ZFHX3: variants seen among roughly 807,000 people sequenced by gnomAD.
ZFHX3 encodes the protein zinc finger homeobox 3.
Under a neutral mutation model 279.1 loss-of-function variants are expected in ZFHX3, and 42 were observed. That is an observed-to-expected ratio of 0.15 (90% confidence interval 0.12 to 0.19). The LOEUF is 0.19. Among genes scored for constraint, ZFHX3 ranks in the 10% least tolerant of loss-of-function variants. The pLI is 1.00. For missense variants in ZFHX3, 4,981 were observed against 4,754.0 expected (o/e 1.05, Z -1.40); for synonymous variants, 2,293 against 1,957.8 (o/e 1.17, Z -4.52).
intron 1 of ZFHX3, among the ~76,000 whole-genome samples, chr16:72,992,810 G>A (rs1454338214): frequency 6.6e-6 from 1 of 152,244 alleles, no homozygotes; most frequent in African/African-American, 2.4e-5. Context: ...AGCCGCGGAA[G>A]GAAGGCACCA....
intron 2 of ZFHX3, among the ~76,000 whole-genome samples, chr16:73,659,260 T>C (rs1175805413): frequency 6.6e-6 from 1 of 152,192 alleles, no homozygotes; most frequent in Non-Finnish European, 1.5e-5. Context: ...ACAACATCTC[T>C]GCAGCCAAAA....
chr16:73,593,512 T>G (rs191978479), intron 2 of ZFHX3, among the ~76,000 whole-genome samples: 28 of 151,446 alleles, frequency 1.8e-4, no homozygotes, highest in African/African-American at 6.3e-4. Flanking sequence ...AGGTTCTATA[T>G]TTGTGGATTC....
chr16:73,593,530 C>T (rs2052019870), intron 2 of ZFHX3, among the ~76,000 whole-genome samples: 1 of 121,332 alleles, frequency 8.2e-6, no homozygotes, highest in South Asian at 2.8e-4. Context: ...TTCAACCAAG[C>T]ATGAATTGAA....
At chr16:72,952,075 C>T (rs1368617647) in intron 2 of ZFHX3, among the ~76,000 whole-genome samples, 1 of 152,036 alleles carries the variant, frequency 6.6e-6, no homozygotes, top group Non-Finnish European at 1.5e-5. Context: ...ACATGGTGTA[C>T]AAAATATACA....
chr16:73,149,250 TATATTATA>T (rs1027397363), intron 5 of ZFHX3, among the ~76,000 whole-genome samples: 4 of 148,296 alleles, frequency 2.7e-5, no homozygotes, highest in African/African-American at 9.8e-5. Flanking sequence ...TATTTTATAT[TATATTATA>T]ATATTATTTT....
intron 2 of ZFHX3, among the ~76,000 whole-genome samples, chr16:73,674,644 T>G (rs1235312481): frequency 6.6e-6 from 1 of 152,182 alleles, no homozygotes; most frequent in Non-Finnish European, 1.5e-5. Context: ...TAGAGTCTCT[T>G]TCTCTACCTC....
intron 4 of ZFHX3, among the ~76,000 whole-genome samples, chr16:73,270,899 G>A (rs948014194): frequency 1.1e-4 from 16 of 152,130 alleles, no homozygotes; most frequent in African/African-American, 2.7e-4. Context: ...TAGAACACTC[G>A]AAAAGATCTC....
intron 1 of ZFHX3, among the ~76,000 whole-genome samples, chr16:73,784,796 A>AAAAATATAT (rs56734827): frequency 1.4e-4 from 19 of 131,106 alleles, no homozygotes; most frequent in Middle Eastern, 3.8e-3. Context: ...TAAAAAAAAA[A>AAAAATATAT]ATATATATAT....
chr16:73,316,432 A>T (rs1253990883), intron 4 of ZFHX3, among the ~76,000 whole-genome samples: 2 of 151,868 alleles, frequency 1.3e-5, no homozygotes, highest in Non-Finnish European at 2.9e-5. Context: ...GTCATCACCT[A>T]TGCTGGGCCT....
chr16:73,495,251 G>A (rs1184166508), intron 2 of ZFHX3, among the ~76,000 whole-genome samples: 2 of 152,148 alleles, frequency 1.3e-5, no homozygotes, highest in African/African-American at 4.8e-5. Context: ...TTTGAAAAGC[G>A]AATAACCCTA....
At chr16:72,860,039 T>C (rs1445441324) in intron 4 of ZFHX3, among the ~76,000 whole-genome samples, 5 of 152,210 alleles carry the variant, frequency 3.3e-5, no homozygotes, top group Non-Finnish European at 5.9e-5. Context: ...CCCCTCGACA[T>C]GGTGGACGTT....
intron 5 of ZFHX3, among the ~76,000 whole-genome samples, chr16:73,151,766 A>C (rs2144846338): frequency 6.6e-6 from 1 of 152,220 alleles, no homozygotes; most frequent in East Asian, 1.9e-4. Context: ...GGGTTCCTTG[A>C]GTCAAATTCA....
intron 3 of ZFHX3, among the ~76,000 whole-genome samples, chr16:73,433,910 T>C (rs1042711033): frequency 6.6e-6 from 1 of 152,182 alleles, no homozygotes; most frequent in African/African-American, 2.4e-5. Flanking sequence ...GGTTATGTCA[T>C]GGCACAGCCA....
chr16:72,857,612 G>A (rs1322537722), intron 4 of ZFHX3, among the ~76,000 whole-genome samples: 1 of 152,200 alleles, frequency 6.6e-6, no homozygotes, highest in African/African-American at 2.4e-5. Context: ...TTGAGCCTAG[G>A]AGTATGAGGC....
At chr16:73,455,818 T>C (rs1326166157) in intron 3 of ZFHX3, among the ~76,000 whole-genome samples, 1 of 150,962 alleles carries the variant, frequency 6.6e-6, no homozygotes, top group Admixed American at 6.6e-5. Context: ...TTGGTTGGAG[T>C]GAGGGGGCCC....
At chr16:73,396,223 C>T (rs1041514686) in intron 3 of ZFHX3, among the ~76,000 whole-genome samples, 26 of 152,164 alleles carry the variant, frequency 1.7e-4, no homozygotes, top group Admixed American at 8.5e-4. Flanking sequence ...GAGGCTTATG[C>T]GGAGGAGAGG....
At chr16:72,846,558 C>T (rs987750515) in intron 4 of ZFHX3, among the ~76,000 whole-genome samples, 17 of 152,228 alleles carry the variant, frequency 1.1e-4, no homozygotes, top group African/African-American at 4.1e-4. Context: ...CACATATGGT[C>T]CTGAGACCCA....
intron 7 of ZFHX3, among the ~76,000 whole-genome samples, chr16:73,112,894 A>T (rs1005036987): frequency 6.6e-6 from 1 of 151,962 alleles, no homozygotes; most frequent in Non-Finnish European, 1.5e-5. Flanking sequence ...GCGGCTGCAC[A>T]GCCCCATCGG....
chr16:73,146,288 C>T (rs1225839776), intron 5 of ZFHX3, among the ~76,000 whole-genome samples: 8 of 152,032 alleles, frequency 5.3e-5, no homozygotes, highest in Non-Finnish European at 8.8e-5. Flanking sequence ...ATTAACTGGG[C>T]GTGGTGGCAC....
Sources: allele counts gnomAD v4.1 joint callset (sites outside exome capture counted in the v4.1 genomes callset), GRCh38; gene constraint gnomAD v4.1.1; transcripts MANE v1.5; gene names NCBI Gene and HGNC (gene_info 2026-07-23, HGNC 2026-07-21).